The following RICTOR variants were observed in gnomAD, a reference collection of about 807,000 sequenced individuals.
The protein encoded by RICTOR is rapamycin-insensitive companion of mTOR.
A neutral mutation model predicts 214.9 loss-of-function variants in RICTOR; 49 were observed. That is an observed-to-expected ratio of 0.23 (90% CI 0.18 to 0.29). RICTOR has a LOEUF of 0.29. RICTOR is among the 10% of genes least tolerant of loss of function. The pLI is 1.00. For synonymous variants in RICTOR, 717 were observed against 711.3 expected (o/e 1.01, Z -0.13); for missense variants, 1,625 against 2,047.0 (o/e 0.79, Z 3.98).
At chr5:38,978,859 C>T (rs1452385522) in intron 8 of RICTOR, among the ~76,000 whole-genome samples, 6 of 151,878 alleles carry the variant, frequency 4.0e-5, no homozygotes, top group African/African-American at 1.5e-4. Flanking sequence ...TGAGGTTTAA[C>T]ATGTATCTAA....
chr5:38,983,692 G>A (rs970669215), intron 7 of RICTOR, among the ~76,000 whole-genome samples: 2 of 152,146 alleles, frequency 1.3e-5, no homozygotes, highest in Non-Finnish European at 2.9e-5. Flanking sequence ...GGCCAGGCAC[G>A]GTGGCTCAGG....
At chr5:38,957,578 C>T in intron 25 of RICTOR, 74 bp downstream of exon 25, 1 of 815,902 alleles carries the variant, frequency 1.2e-6, no homozygotes. Flanking sequence ...ATAAAAAAAC[C>T]ATCCTCTAAA....
chr5:38,952,288 CAG>C lies in RICTOR; in HGVS notation c.3033_3034del (p.Cys1012Ter), dbSNP rs761643804. 6.2e-7 allele frequency: 1 copy of C among 1,612,934 alleles called. No individual in the cohort carries two copies. Among genetic ancestry groups the C allele is most frequent in the South Asian group, 1.1e-5 (1 of 91,058 alleles). Reference sequence around the variant, plus strand: ...GCTTGGGATAGATGAAAGTTCATTACAGAGTTGTTCCACATCATCTGGAACCA... The same window carrying C: ...GCTTGGGATAGATGAAAGTTCATTACAGTTGTTCCACATCATCTGGAACCA... On this transcript the variant is annotated frameshift_variant, in exon 30 of 38. Transcript: ENST00000357387. LOFTEE classifies it high-confidence loss of function.
rs200388109 is a variant in RICTOR at position 38,950,419 on chromosome 5, A to C, written c.3429T>G (p.His1143Gln). The C allele has an allele frequency of 6.2e-7, 1 of 1,613,542 alleles. No homozygotes were observed. Among genetic ancestry groups the C allele is most frequent in the Non-Finnish European group, 8.5e-7 (1 of 1,179,592 alleles). Residue 1143 changes from histidine (H) to glutamine (Q), a missense_variant, in exon 31 of 38, where the codon CAT (histidine) becomes CAG (glutamine). His to Gln is a conservative substitution (Grantham distance 24). Around this residue, in one of 5 missense-constraint regions of RICTOR, gnomAD observed 1,214 missense variants for 1,470.5 expected, o/e 0.83. Transcript: ENST00000357387. ...TGGATATGGGTGTAAAATCATCACT[A>C]TGATTAAAATCAACACTGGGCTCCG... ...TLTEPSVDFNHSDDFTPISTV... is the reference protein window; with the variant it reads ...TLTEPSVDFNQSDDFTPISTV...
intron 2 of RICTOR, among the ~76,000 whole-genome samples, chr5:39,058,104 G>A (rs1383008151): frequency 6.6e-6 from 1 of 151,666 alleles, no homozygotes; most frequent in East Asian, 1.9e-4. Context: ...TAAATTTCTC[G>A]GAGACAAGCA....
rs763902642 is a variant in RICTOR, at chr5:38,952,999, A to G, written c.2883T>C (p.Val961=). 2 of 1,601,606 alleles carry G rather than the reference A, an allele frequency of 1.2e-6. No individual in the cohort carries two copies. Among genetic ancestry groups the G allele is most frequent in the South Asian group, 1.1e-5 (1 of 90,404 alleles). The change falls in exon 29 of 38, where the codon GTT becomes GTC. Residue 961 remains valine (V), a synonymous_variant. Transcript: ENST00000357387. ...DILKLAKQCE[V]LSIRGTCVYV... ...AAATGACCTACCCTCTGATGGAAAGAACTTCACACTGTTTTGCAAGTTTTA... is the reference window on the plus strand; with the variant it reads ...AAATGACCTACCCTCTGATGGAAAGGACTTCACACTGTTTTGCAAGTTTTA...
chr5:38,996,563 G>A (rs1351619528), intron 6 of RICTOR, among the ~76,000 whole-genome samples: 1 of 152,102 alleles, frequency 6.6e-6, no homozygotes, highest in African/African-American at 2.4e-5. Flanking sequence ...CATGTCTACT[G>A]AAGGAAGAAA....
At chr5:39,061,133 A>G (rs1281128362) in intron 2 of RICTOR, among the ~76,000 whole-genome samples, 1 of 152,114 alleles carries the variant, frequency 6.6e-6, no homozygotes, top group Non-Finnish European at 1.5e-5. Flanking sequence ...TGGACACATA[A>G]CCAGTACTCA....
At chr5:38,978,729 C>A in intron 8 of RICTOR, 79 bp from the exon 9 acceptor site, 2 of 663,782 alleles carry the variant, frequency 3.0e-6, no homozygotes, top group Non-Finnish European at 2.5e-6. Context: ...TGTAACATTC[C>A]ATTTCTCTCT....
Position 38,991,058 on chromosome 5 carries a change from A to G in RICTOR, c.474T>C (p.Ala158=), listed in dbSNP as rs1274302499. ...TGGTCACAGAACTAGGAAACAAGGA[A>G]GCATTCACAGTAATCATCTGTAACA... The part of the protein sequence containing the change: ...RLVRKMITVN[A]SLFPSSVTNS... Residue 158 remains alanine (A), a synonymous_variant, in exon 7 of 38, where the codon GCT becomes GCC. Coordinates refer to ENST00000357387, the MANE Select transcript of RICTOR (RefSeq NM_152756.5). 1 of 1,594,360 alleles carries G rather than the reference A, an allele frequency of 6.3e-7. No individual in the cohort carries two copies. The highest frequency in any genetic ancestry group is 8.6e-7 in the Non-Finnish European group (1 of 1,168,256).
At position 38,939,203 on chromosome 5, in the gene RICTOR, T is replaced by C; in HGVS notation, c.*3101A>G. ...TTATATAAATAGCAGTAGGAAAATGTAAATAAGCATTGATATCCCACTGCT... is the reference window on the plus strand; with the variant it reads ...TTATATAAATAGCAGTAGGAAAATGCAAATAAGCATTGATATCCCACTGCT... On this transcript the variant is annotated 3_prime_UTR_variant, in exon 38 of 38. Coordinates refer to ENST00000357387, the MANE Select transcript of RICTOR (RefSeq NM_152756.5). The C allele has an allele frequency of 4.3e-6, 1 of 233,020 alleles. No homozygotes were observed. Among genetic ancestry groups the C allele is most frequent in the East Asian group, 6.1e-5 (1 of 16,428 alleles). The allele number at this position is 233,020 out of a possible 1,614,324, so 14.4% of individuals were successfully genotyped here.
At chr5:39,032,579 T>C (rs986300556) in intron 2 of RICTOR, among the ~76,000 whole-genome samples, 4 of 152,224 alleles carry the variant, frequency 2.6e-5, no homozygotes, top group African/African-American at 9.6e-5. Context: ...CTTCTTGAAT[T>C]TGTAAGAGAA....
chr5:38,986,783 C>T (rs540769076), intron 7 of RICTOR, among the ~76,000 whole-genome samples: 1 of 152,340 alleles, frequency 6.6e-6, no homozygotes, highest in East Asian at 1.9e-4. Context: ...TGACAGAGGG[C>T]ATCTTTGTCT....
chr5:39,044,623 T>C (rs560318657), intron 2 of RICTOR, among the ~76,000 whole-genome samples: 1 of 152,322 alleles, frequency 6.6e-6, no homozygotes, highest in Admixed American at 6.5e-5. Flanking sequence ...CTTATTTCTA[T>C]TGCTTTGAAA....
Position 39,033,933 on chromosome 5 carries a change from A to G in RICTOR, c.98-12797T>C, listed in dbSNP as rs1282836250. On this transcript the variant is annotated intron_variant, in intron 2 of 37. Coordinates refer to ENST00000357387, the MANE Select transcript of RICTOR (RefSeq NM_152756.5). ...TCAGATCTATTTTCCTCCCCCTTCA[A>G]TTCTGAATTATAAACTTACTTCATT... is the stretch of plus-strand genomic sequence containing the variant. Among the ~76,000 whole-genome samples, 4 of 152,298 alleles carry G rather than the reference A, an allele frequency of 2.6e-5. No homozygotes were observed. In the South Asian group the frequency reaches 6.2e-4, roughly 24 times the overall value.
chr5:38,990,688 T>TCTG lies in RICTOR; in HGVS notation c.583+260_583+261insCAG, dbSNP rs1561502202. ...TCAGATATATATCAGATATATCATATATATGATATATATCAGATATGATAT... is the reference window on the plus strand; with the variant it reads ...TCAGATATATATCAGATATATCATATCTGATATGATATATATCAGATATGATAT... On this transcript the variant is annotated intron_variant, in intron 7 of 37. Coordinates refer to ENST00000357387, the MANE Select transcript of RICTOR (RefSeq NM_152756.5). Among the ~76,000 whole-genome samples the TCTG allele has an allele frequency of 6.6e-4, 49 of 74,500 alleles. 3 individuals carry two copies. Among genetic ancestry groups the TCTG allele is most frequent in the African/African-American group, 1.9e-3 (40 of 20,856 alleles). 48.9% of individuals were successfully genotyped at this position (74,500 alleles called of 152,430 possible).
chr5:39,039,055 G>C (rs535123318), intron 2 of RICTOR, among the ~76,000 whole-genome samples: 87 of 152,278 alleles, frequency 5.7e-4, no homozygotes, highest in African/African-American at 2.1e-3. Flanking sequence ...CATGCTACCT[G>C]ACTGCAAACT....
chr5:38,997,960 G>C (rs1753300364), intron 5 of RICTOR, among the ~76,000 whole-genome samples: 1 of 152,206 alleles, frequency 6.6e-6, no homozygotes, highest in South Asian at 2.1e-4. Flanking sequence ...CAAGACACTT[G>C]TCAACATCCA....
chr5:39,028,960 T>C (rs1756068940), intron 2 of RICTOR, among the ~76,000 whole-genome samples: 1 of 152,114 alleles, frequency 6.6e-6, no homozygotes, highest in Admixed American at 6.6e-5. Context: ...CATAGATGAA[T>C]TTCAAAAATG....
Sources: gnomAD v4.1 joint callset for allele counts (sites outside exome capture counted in the v4.1 genomes callset) on GRCh38, gnomAD v4.1.1 for gene constraint, gnomAD v4.1.1 regional missense constraint, MANE v1.5 for transcripts, NCBI Gene and HGNC (gene_info 2026-07-23, HGNC 2026-07-21) for gene names.